MTRF1: variants seen among roughly 807,000 people sequenced by gnomAD.
The protein encoded by MTRF1 is peptide chain release factor 1, mitochondrial.
In MTRF1, 51 loss-of-function variants were observed where a neutral mutation model predicts 62.9. That is an observed-to-expected ratio of 0.81 (90% CI 0.65 to 1.02). The LOEUF (loss-of-function observed/expected upper bound fraction) is 1.02. MTRF1 is among the 50% of genes least tolerant of loss of function. The pLI, the probability that MTRF1 is intolerant of heterozygous loss-of-function variation, is 0.00. For missense variants in MTRF1, 446 were observed against 530.0 expected (o/e 0.84, Z 1.56); for synonymous variants, 158 against 181.9 (o/e 0.87, Z 1.06).
At chr13:41,271,091 A>C in the MTRF1 span, among the ~76,000 whole-genome samples, 32 of 137,210 alleles carry the variant, frequency 2.3e-4, no homozygotes, top group African/African-American at 4.1e-4. Context: ...ACACACACAC[A>C]CCCCATATAG....
intron 6 of MTRF1, among the ~76,000 whole-genome samples, chr13:41,238,365 T>C (rs1378155068): frequency 6.6e-6 from 1 of 152,226 alleles, no homozygotes; most frequent in African/African-American, 2.4e-5. Flanking sequence ...GAATAGTAAC[T>C]ATAAATAAGT....
the MTRF1 span, chr13:41,311,602 G>A: frequency 1.9e-6 from 3 of 1,599,422 alleles, no homozygotes; most frequent in African/African-American, 1.3e-5. Context: ...CGTAGGCCGC[G>A]CTGCCGCCCC....
rs1439904131 is a variant in MTRF1 at position 41,251,973 on chromosome 13, G to A, written c.697+672C>T. On this transcript the variant is annotated intron_variant, in intron 5 of 9. Coordinates refer to ENST00000379480, the MANE Select transcript of MTRF1 (RefSeq NM_004294.4). The stretch of plus-strand genomic sequence containing the variant: ...TGGCTCACTGCAACCTCCCCATCCC[G>A]GGTTCAAGCGATTCTCCTGCCTCAG... Among the ~76,000 whole-genome samples, 6 of 151,796 alleles carry A rather than the reference G, an allele frequency of 4.0e-5. No individual in the cohort carries two copies. The South Asian group carries it at 6.2e-4, about 16-fold the overall frequency.
At chr13:41,282,117 G>T in the MTRF1 span, among the ~76,000 whole-genome samples, 1 of 146,474 alleles carries the variant, frequency 6.8e-6, no homozygotes, top group African/African-American at 2.5e-5. Context: ...CAGCCTGGGC[G>T]ACAGAGCAAG....
chr13:41,291,432 C>G, the MTRF1 span, among the ~76,000 whole-genome samples: 1 of 152,096 alleles, frequency 6.6e-6, no homozygotes, highest in Non-Finnish European at 1.5e-5. Context: ...CCCGCCACAG[C>G]CTCCTAAAGT....
chr13:41,311,652 G>A, the MTRF1 span: 2 of 1,436,084 alleles, frequency 1.4e-6, no homozygotes, highest in Non-Finnish European at 1.9e-6. Context: ...CAAGCGGTCT[G>A]GCGGCGGCCG....
At chr13:41,273,308 A>G in the MTRF1 span, among the ~76,000 whole-genome samples, 2 of 149,970 alleles carry the variant, frequency 1.3e-5, no homozygotes, top group Non-Finnish European at 3.0e-5. Flanking sequence ...CCTGGGCTAC[A>G]GAGCGAGACT....
intron 7 of MTRF1, among the ~76,000 whole-genome samples, chr13:41,229,903 C>A (rs1432091399): frequency 6.6e-6 from 1 of 152,110 alleles, no homozygotes; most frequent in East Asian, 1.9e-4. Flanking sequence ...GAGTTCGAGA[C>A]CAGCCTGGCC....
At chr13:41,269,316 C>G in the MTRF1 span, among the ~76,000 whole-genome samples, 1 of 149,840 alleles carries the variant, frequency 6.7e-6, no homozygotes, top group Non-Finnish European at 1.5e-5. Context: ...TTTCCTGCCT[C>G]AGCTTCCCAA....
At chr13:41,254,279 TCTTG>T (rs968586807) in intron 3 of MTRF1, among the ~76,000 whole-genome samples, 3 of 152,218 alleles carry the variant, frequency 2.0e-5, no homozygotes, top group Non-Finnish European at 4.4e-5. Flanking sequence ...GCACGTATTC[TCTTG>T]CTTAACAAGT....
At position 41,217,192 on chromosome 13, in the gene MTRF1, T is replaced by A. The variant is rs1408662224; in HGVS notation, c.1261A>T (p.Ile421Phe). ...LCGGKGLDQLIQRLLQSADEE... is the reference protein window; with the variant it reads ...LCGGKGLDQLFQRLLQSADEE... ...TCTGCTGATTGAAGCAGTCTCTGAA[T>A]TAGCTGATCCAGGCCCTTCCCACCA... The change falls in exon 10 of 10, where the codon ATT becomes TTT. Residue 421 changes from isoleucine (I) to phenylalanine (F), a missense_variant. Ile to Phe is a conservative substitution (Grantham distance 21). Coordinates refer to ENST00000379480, the MANE Select transcript of MTRF1 (RefSeq NM_004294.4). 2 of 1,609,596 alleles carry A rather than the reference T, an allele frequency of 1.2e-6. No homozygotes were observed. Among genetic ancestry groups the A allele is most frequent in the Non-Finnish European group, 1.7e-6 (2 of 1,177,480 alleles).
Position 41,260,683 on chromosome 13 carries a change from T to A in MTRF1, c.225A>T (p.Leu75=). The change falls in exon 2 of 10, where the codon CTA becomes CTT. Residue 75 remains leucine (L), a synonymous_variant. Coordinates refer to ENST00000379480, the MANE Select transcript of MTRF1 (RefSeq NM_004294.4). ...DTKMLWKHKA[L]QKYMENLSKE... Reference sequence around the variant, plus strand: ...TACTCAGGTTCTCCATATATTTCTGTAGTGCTTTATGCTTCCAGAGCATCT... The same window carrying A: ...TACTCAGGTTCTCCATATATTTCTGAAGTGCTTTATGCTTCCAGAGCATCT... 6.2e-7 allele frequency: 1 copy of A among 1,614,188 alleles called. No individual in the cohort carries two copies.
chr13:41,226,717 G>A, intron 7 of MTRF1, 149 bp from the exon 8 acceptor site: 2 of 892,818 alleles, frequency 2.2e-6, no homozygotes, highest in Non-Finnish European at 1.7e-6. Flanking sequence ...AACTAGCTGG[G>A]TTATGATTAT....
intron 8 of MTRF1, 136 bp downstream of exon 8, chr13:41,226,296 A>T: frequency 1.1e-6 from 1 of 879,624 alleles, no homozygotes; most frequent in Non-Finnish European, 1.7e-6. Context: ...GTACTGAGTT[A>T]CTGCTTATTT....
At chr13:41,259,487 A>G (rs9315820) in intron 2 of MTRF1, among the ~76,000 whole-genome samples, 109,034 of 151,752 alleles carry the variant, frequency 0.72, 39,479 homozygotes, top group African/African-American at 0.75. Context: ...ATCACTTGAG[A>G]TCAGGAGTTT....
At chr13:41,311,648 G>T in the MTRF1 span, 71 of 1,486,642 alleles carry the variant, frequency 4.8e-5, no homozygotes, top group South Asian at 2.0e-4. Flanking sequence ...AGGGCAAGCG[G>T]TCTGGCGGCG....
rs772309997 is a variant in MTRF1, at chr13:41,250,497, AT to A, written c.697+2147del. The stretch of plus-strand genomic sequence containing the variant: ...TACTCAATTTCAATATTTACTCCAA[AT>A]TTTTTTTTTTTTTTGAGACTGAGTC... On this transcript the variant is annotated intron_variant, in intron 5 of 9. Coordinates refer to ENST00000379480, the MANE Select transcript of MTRF1 (RefSeq NM_004294.4). 6.2e-3 allele frequency among the ~76,000 whole-genome samples: 894 copies of A among 143,798 alleles called. 1 individual carries two copies. The highest frequency in any genetic ancestry group is 0.013 in the African/African-American group (530 of 39,390). 94.3% of individuals were successfully genotyped at this position (143,798 alleles called of 152,430 possible). A position where few individuals can be genotyped will look rare whatever the true frequency, so the allele number is the denominator to read the frequency against.
Position 41,232,013 on chromosome 13 carries a change from C to T in MTRF1, c.988+1877G>A, listed in dbSNP as rs192906964. ...CCTGAGCCTGGGAAAGTCACAGCTG[C>T]AGTGAGCTGTGATCACACCACTGTA... On this transcript the variant is annotated intron_variant, in intron 7 of 9. Transcript: ENST00000379480. 8.6e-5 allele frequency among the ~76,000 whole-genome samples: 13 copies of T among 151,944 alleles called. No homozygotes were observed. In the East Asian group the frequency reaches 2.1e-3, roughly 25 times the overall value.
At chr13:41,225,969 T>A (rs1377459987) in intron 8 of MTRF1, among the ~76,000 whole-genome samples, 2 of 151,588 alleles carry the variant, frequency 1.3e-5, no homozygotes, top group East Asian at 3.9e-4. Flanking sequence ...TGGTACATAA[T>A]GAAAAATAAA....
Sources: allele counts gnomAD v4.1 joint callset (sites outside exome capture counted in the v4.1 genomes callset), GRCh38; gene constraint gnomAD v4.1.1; transcripts MANE v1.5; gene names NCBI Gene and HGNC (gene_info 2026-07-23, HGNC 2026-07-21).